DTD1: variants seen among roughly 807,000 people sequenced by gnomAD.
DTD1 encodes D-tyrosyl-tRNA deacylase 1 homolog.
Under a neutral mutation model 25.6 loss-of-function variants are expected in DTD1, and 13 were observed. The ratio of observed to expected loss-of-function variants is 0.51; its 90% CI spans 0.33 to 0.81. The LOEUF is 0.81. DTD1 is among the 30% of genes least tolerant of loss of function. The pLI is 0.02. For missense variants in DTD1, 193 were observed against 266.4 expected (o/e 0.72, Z 1.92); for synonymous variants, 110 against 103.6 (o/e 1.06, Z -0.37).
chr20:18,714,918 T>C (rs1020276558), intron 4 of DTD1, among the ~76,000 whole-genome samples: 2 of 152,232 alleles, frequency 1.3e-5, no homozygotes, highest in African/African-American at 4.8e-5. Flanking sequence ...TTTGGTGATA[T>C]GACATTGGTG....
chr20:18,732,461 A>C (rs1046307731), intron 4 of DTD1, among the ~76,000 whole-genome samples: 2 of 152,224 alleles, frequency 1.3e-5, no homozygotes, highest in East Asian at 3.9e-4. Flanking sequence ...TACGACCTAC[A>C]AAATGGTAAG....
At chr20:18,650,525 AC>A (rs1395820102) in intron 4 of DTD1, among the ~76,000 whole-genome samples, 1 of 151,696 alleles carries the variant, frequency 6.6e-6, no homozygotes, top group African/African-American at 2.4e-5. Context: ...CCTGCACTGA[AC>A]CCCCAGTGCC....
intron 4 of DTD1, among the ~76,000 whole-genome samples, chr20:18,708,284 A>T (rs1299700439): frequency 0.011 from 217 of 20,308 alleles, 11 homozygotes; most frequent in Non-Finnish European, 0.012. Context: ...TATAATATAT[A>T]TTATATATAT....
chr20:18,705,439 G>A (rs1416254240), intron 4 of DTD1, among the ~76,000 whole-genome samples: 1 of 152,154 alleles, frequency 6.6e-6, no homozygotes, highest in Non-Finnish European at 1.5e-5. Context: ...TAGTTAATAT[G>A]AGAAGAGGGT....
rs189229006 is a variant in DTD1 at position 18,689,829 on chromosome 20, T to A, written c.478-54271T>A. Among the ~76,000 whole-genome samples, 29 of 27,060 alleles carry A rather than the reference T, an allele frequency of 1.1e-3. No individual in the cohort carries two copies. In the East Asian group the frequency reaches 0.021, roughly 20 times the overall value. The allele number at this position is 27,060 out of a possible 152,430, so 17.8% of individuals were successfully genotyped here. A position where few individuals can be genotyped will look rare whatever the true frequency, so the allele number is the denominator to read the frequency against. ...GTGGAACTTAAATTTTAATTAAAAA[T>A]TTTTTCATAAGTTTAAATTTAAGCC... On this transcript the variant is annotated intron_variant, in intron 4 of 5. Transcript: ENST00000377452.
chr20:18,655,041 A>G (rs1042021485), intron 4 of DTD1, among the ~76,000 whole-genome samples: 13 of 152,240 alleles, frequency 8.5e-5, no homozygotes, highest in Non-Finnish European at 1.3e-4. Context: ...TTTGGAATAA[A>G]GTTATTTCAA....
At chr20:18,687,455 C>T (rs2061021455) in intron 4 of DTD1, among the ~76,000 whole-genome samples, 1 of 152,168 alleles carries the variant, frequency 6.6e-6, no homozygotes, top group African/African-American at 2.4e-5. Flanking sequence ...ATCTCTTCCA[C>T]AGTGGTAGCC....
At chr20:18,635,488 A>T (rs1461837607) in intron 4 of DTD1, among the ~76,000 whole-genome samples, 1 of 152,204 alleles carries the variant, frequency 6.6e-6, no homozygotes, top group Non-Finnish European at 1.5e-5. Context: ...TCCATGAATT[A>T]TGAGATCAGC....
chr20:18,697,032 A>T (rs1300069556), intron 4 of DTD1, among the ~76,000 whole-genome samples: 1 of 151,622 alleles, frequency 6.6e-6, no homozygotes, highest in Non-Finnish European at 1.5e-5. Context: ...GGAGATCACG[A>T]CCATCCTGCT....
intron 3 of DTD1, among the ~76,000 whole-genome samples, chr20:18,625,211 C>T (rs1213278100): frequency 6.6e-6 from 1 of 152,226 alleles, no homozygotes; most frequent in Admixed American, 6.5e-5. Context: ...CCTCCATGGC[C>T]CTGAGTGTGG....
intron 4 of DTD1, among the ~76,000 whole-genome samples, chr20:18,699,496 AGGTCCG>A (rs1257506523): frequency 6.6e-6 from 1 of 152,136 alleles, no homozygotes; most frequent in African/African-American, 2.4e-5. Flanking sequence ...AGTCATGGGG[AGGTCCG>A]GCCTTCAAGT....
intron 4 of DTD1, among the ~76,000 whole-genome samples, chr20:18,741,120 G>A (rs1176281886): frequency 6.6e-6 from 1 of 152,202 alleles, no homozygotes; most frequent in African/African-American, 2.4e-5. Flanking sequence ...GAACAAAACT[G>A]AGACGGCATC....
intron 3 of DTD1, among the ~76,000 whole-genome samples, chr20:18,612,255 C>T (rs1038875404): frequency 1.3e-4 from 19 of 151,656 alleles, no homozygotes; most frequent in African/African-American, 1.7e-4. Context: ...GGGATGGTCT[C>T]AATCTCCTGA....
chr20:18,758,156 CTCTTT>C (rs2061346936), intron 5 of DTD1, among the ~76,000 whole-genome samples: 1 of 152,090 alleles, frequency 6.6e-6, no homozygotes, highest in Admixed American at 6.5e-5. Flanking sequence ...TTTGATTCTT[CTCTTT>C]TTTCTTCTTT....
rs868148836 is a variant in DTD1 at position 18,593,800 on chromosome 20, C to G, written c.113C>G (p.Thr38Arg). The G allele has an allele frequency of 1.2e-6, 2 of 1,613,430 alleles. No homozygotes were observed. Among genetic ancestry groups the G allele is most frequent in the Admixed American group, 1.7e-5 (1 of 59,956 alleles). The change falls in exon 2 of 6, where the codon ACG (threonine) becomes AGG (arginine). Residue 38 changes from threonine (T) to arginine (R), a missense_variant. Thr to Arg is a moderately conservative substitution (Grantham distance 71). Coordinates refer to ENST00000377452, the MANE Select transcript of DTD1 (RefSeq NM_080820.6). ...CVLLGISLED[T>R]QKELEHMVRK... ...TTGCTGGGTATTTCCCTGGAGGATA[C>G]GCAGAAGGAACTGGAACACATGTAA... is the stretch of plus-strand genomic sequence containing the variant.
chr20:18,673,476 CTTTTCTTGTCAAGT>C lies in DTD1; in HGVS notation c.477+45246_477+45259del, dbSNP rs1389861783. The stretch of plus-strand genomic sequence containing the variant: ...AGGGAAAGGCCTAGAGTGATGAAAA[CTTTTCTTGTCAAGT>C]TTATGATTCTTGACCTTTTTAGAAT... On this transcript the variant is annotated intron_variant, in intron 4 of 5. Coordinates refer to ENST00000377452, the MANE Select transcript of DTD1 (RefSeq NM_080820.6). Among the ~76,000 whole-genome samples the C allele has an allele frequency of 2.0e-5, 3 of 152,134 alleles. No homozygotes were observed. The South Asian group carries it at 6.2e-4, about 32-fold the overall frequency.
At chr20:18,733,508 C>A (rs1443906723) in intron 4 of DTD1, among the ~76,000 whole-genome samples, 1 of 152,212 alleles carries the variant, frequency 6.6e-6, no homozygotes, top group Admixed American at 6.5e-5. Context: ...GGGCTGACCT[C>A]TAACCTCTCC....
chr20:18,591,354 T>G (rs780698629), intron 1 of DTD1, among the ~76,000 whole-genome samples: 5 of 152,326 alleles, frequency 3.3e-5, no homozygotes, highest in Non-Finnish European at 7.3e-5. Context: ...ACGAAGATTT[T>G]CACTACACTG....
intron 4 of DTD1, among the ~76,000 whole-genome samples, chr20:18,732,156 G>A (rs529741305): frequency 6.6e-6 from 1 of 152,158 alleles, no homozygotes; most frequent in Non-Finnish European, 1.5e-5. Flanking sequence ...TTTATACAAG[G>A]TATAGACCAA....
Sources: gnomAD v4.1 joint callset for allele counts (sites outside exome capture counted in the v4.1 genomes callset) on GRCh38, gnomAD v4.1.1 for gene constraint, MANE v1.5 for transcripts, NCBI Gene and HGNC (gene_info 2026-07-23, HGNC 2026-07-21) for gene names.